NBEAL1: variants seen among roughly 807,000 people sequenced by gnomAD.
NBEAL1 encodes the protein neurobeachin like 1.
In NBEAL1, 273 loss-of-function variants were observed where a neutral mutation model predicts 351.3. That is an observed-to-expected ratio of 0.78 (90% CI 0.70 to 0.86). The LOEUF (loss-of-function observed/expected upper bound fraction) is 0.86, where lower values mean the gene tolerates loss of function less well. Ranked by LOEUF, NBEAL1 falls within the 40% of genes least tolerant of loss-of-function variation. NBEAL1 has a pLI of 0.00. For synonymous variants in NBEAL1, 1,050 were observed against 1,086.4 expected, an observed-to-expected ratio of 0.97 and a Z score of 0.66; for missense variants, 2,961 against 3,201.3, an observed-to-expected ratio of 0.92 and a Z score of 1.81.
At chr2:203,068,762 G>A (rs551817000) in intron 7 of NBEAL1, among the ~76,000 whole-genome samples, 104 of 152,132 alleles carry the variant, frequency 6.8e-4, no homozygotes, top group African/African-American at 2.4e-3. Flanking sequence ...GAAGTCACAC[G>A]CTTGTTGCCC....
At chr2:203,168,893 C>CAAAAAAA (rs35683401) in intron 38 of NBEAL1, among the ~76,000 whole-genome samples, 2 of 97,258 alleles carry the variant, frequency 2.1e-5, no homozygotes, top group Non-Finnish European at 3.7e-5. Flanking sequence ...GACTCCATCT[C>CAAAAAAA]AAAAAAAAAA....
intron 27 of NBEAL1, 112 bp downstream of exon 27, chr2:203,133,258 G>T: frequency 2.2e-6 from 1 of 453,536 alleles, no homozygotes. Context: ...TATAAATGAC[G>T]TAATTTTATA....
chr2:203,216,308 A>C (rs1297773429), intron 55 of NBEAL1, among the ~76,000 whole-genome samples: 2 of 152,194 alleles, frequency 1.3e-5, no homozygotes, highest in African/African-American at 4.8e-5. Context: ...ATTATTTTTG[A>C]AAGCCTTAAA....
chr2:203,166,185 G>A lies in NBEAL1; in HGVS notation c.5751G>A (p.Leu1917=), dbSNP rs751189788. 7 of 1,588,518 alleles carry A rather than the reference G, an allele frequency of 4.4e-6. No homozygotes were observed. The South Asian group carries it at 8.3e-5, about 19-fold the overall frequency. The change falls in exon 37 of 56, where the codon TTG becomes TTA. Residue 1917 remains leucine, a synonymous_variant. Transcript: ENST00000683969. ...EKEEQDQKEK[L]VLMEDCELIT... ...AAGAACAGGATCAAAAAGAAAAATT[G>A]GTATTGATGGAAGACTGTGAACTCA... is the stretch of plus-strand genomic sequence containing the variant.
chr2:203,152,869 C>T (rs2063695257), intron 35 of NBEAL1, among the ~76,000 whole-genome samples: 1 of 151,304 alleles, frequency 6.6e-6, no homozygotes, highest in Non-Finnish European at 1.5e-5. Context: ...GAAACCCTGT[C>T]TCTACTAAAA....
chr2:203,051,212 T>A (rs2106075788), intron 4 of NBEAL1, among the ~76,000 whole-genome samples: 1 of 152,252 alleles, frequency 6.6e-6, no homozygotes, highest in South Asian at 2.1e-4. Context: ...TTTTTCCTCA[T>A]CCTTAAAATT....
chr2:203,207,358 C>G (rs1425231521), intron 51 of NBEAL1, among the ~76,000 whole-genome samples: 1 of 152,112 alleles, frequency 6.6e-6, no homozygotes, highest in East Asian at 1.9e-4. Flanking sequence ...CCGGCCGCCC[C>G]TACTGGGAAG....
In NBEAL1 at chr2:203,102,679, C is replaced by G. The variant is rs377301416; in HGVS notation, c.1269+2967C>G. Reference sequence around the variant, plus strand: ...AGCCTACTTGATCATAGTGGATTAGCTCTTTGATGTGCTGCTGGATTCTGT... The same window carrying G: ...AGCCTACTTGATCATAGTGGATTAGGTCTTTGATGTGCTGCTGGATTCTGT... On this transcript the variant is annotated intron_variant, in intron 12 of 55. Coordinates refer to ENST00000683969, the MANE Select transcript of NBEAL1 (RefSeq NM_001378026.1). Among the ~76,000 whole-genome samples the G allele has an allele frequency of 8.9e-4, 135 of 152,292 alleles. 1 individual carries two copies. The highest frequency in any genetic ancestry group is 3.1e-3 in the African/African-American group (129 of 41,560).
intron 51 of NBEAL1, among the ~76,000 whole-genome samples, chr2:203,207,309 G>A (rs1351962907): frequency 6.7e-5 from 10 of 149,028 alleles, no homozygotes; most frequent in East Asian, 2.1e-4. Context: ...CCCCCCGCCC[G>A]GCCAGCCGCC....
chr2:203,038,495 A>T (rs1213888410), intron 2 of NBEAL1, among the ~76,000 whole-genome samples: 1 of 149,036 alleles, frequency 6.7e-6, no homozygotes, highest in African/African-American at 2.4e-5. Flanking sequence ...GGCCGTTTGT[A>T]TATTCCCTTT....
intron 51 of NBEAL1, among the ~76,000 whole-genome samples, chr2:203,206,655 G>T (rs1246752505): frequency 6.6e-6 from 1 of 151,950 alleles, no homozygotes; most frequent in Non-Finnish European, 1.5e-5. Flanking sequence ...TCCTGACCGC[G>T]AGTGATCCGC....
intron 10 of NBEAL1, among the ~76,000 whole-genome samples, chr2:203,093,478 A>T (rs1326285681): frequency 6.6e-6 from 1 of 152,188 alleles, no homozygotes; most frequent in Non-Finnish European, 1.5e-5. Flanking sequence ...CGGAATCATG[A>T]CCTTTAAAAG....
intron 34 of NBEAL1, among the ~76,000 whole-genome samples, chr2:203,149,437 C>T (rs866143705): frequency 5.3e-5 from 8 of 152,112 alleles, no homozygotes; most frequent in African/African-American, 1.7e-4. Flanking sequence ...TTTCTGATAC[C>T]ACCTCTTTGA....
At chr2:203,095,746 C>A (rs920045975) in intron 10 of NBEAL1, among the ~76,000 whole-genome samples, 7 of 151,928 alleles carry the variant, frequency 4.6e-5, no homozygotes, top group Admixed American at 2.0e-4. Flanking sequence ...TGTAATAATA[C>A]CACCTTTCAT....
chr2:203,152,169 G>T (rs946233164), intron 35 of NBEAL1, among the ~76,000 whole-genome samples: 1 of 151,264 alleles, frequency 6.6e-6, no homozygotes, highest in African/African-American at 2.4e-5. Context: ...TGTTGGCCAG[G>T]CTGGTCTCCA....
intron 55 of NBEAL1, among the ~76,000 whole-genome samples, chr2:203,216,762 G>T (rs2065901284): frequency 6.6e-6 from 1 of 152,060 alleles, no homozygotes; most frequent in Non-Finnish European, 1.5e-5. Context: ...CAAAATAAGT[G>T]TAAAAGTCTT....
chr2:203,215,013 G>C (rs528383185), intron 55 of NBEAL1, among the ~76,000 whole-genome samples: 1 of 152,250 alleles, frequency 6.6e-6, no homozygotes, highest in South Asian at 2.1e-4. Flanking sequence ...AAAGCCTCTA[G>C]TACTTTGTAT....
Position 203,157,695 on chromosome 2 carries a change from A to T in NBEAL1, c.5588-4A>T, listed in dbSNP as rs1229716158. ...GTTTAATAGATATTTTGTGTTTAAA[A>T]CAGGTATCCAACACTCACAGCCTTC... On this transcript the variant is annotated splice_polypyrimidine_tract_variant and splice_region_variant and intron_variant, in intron 35 of 55. Transcript: ENST00000683969. 6.4e-7 allele frequency: 1 copy of T among 1,567,394 alleles called. No individual in the cohort carries two copies. The highest frequency in any genetic ancestry group is 8.6e-7 in the Non-Finnish European group (1 of 1,163,654).
At chr2:203,040,143 T>A (rs1374852110) in intron 2 of NBEAL1, 74 of 1,430,590 alleles carry the variant, frequency 5.2e-5, no homozygotes, top group Non-Finnish European at 6.9e-5. Flanking sequence ...TCCATTTGGT[T>A]CCAGAAAATC....
Sources: allele counts gnomAD v4.1 joint callset (sites outside exome capture counted in the v4.1 genomes callset), GRCh38; gene constraint gnomAD v4.1.1; transcripts MANE v1.5; gene names NCBI Gene and HGNC (gene_info 2026-07-23, HGNC 2026-07-21).